Variants in CCDC73 observed in about 807,000 individuals in gnomAD.
The protein encoded by CCDC73 is coiled-coil domain containing 73, also known as coiled-coil domain-containing protein 73.
Under a neutral mutation model 116.5 loss-of-function variants are expected in CCDC73, and 95 were observed. The ratio of observed to expected loss-of-function variants is 0.82; its 90% CI spans 0.69 to 0.97. The LOEUF is 0.97. CCDC73 is among the 50% of genes least tolerant of loss of function. CCDC73 has a pLI of 0.00. For missense variants in CCDC73, 1,066 were observed against 1,206.8 expected (o/e 0.88, Z 1.73); for synonymous variants, 398 against 401.3 (o/e 0.99, Z 0.10).
At chr11:32,780,684 C>T (rs541033056) in intron 1 of CCDC73, among the ~76,000 whole-genome samples, 20 of 152,270 alleles carry the variant, frequency 1.3e-4, no homozygotes, top group South Asian at 4.1e-4. Context: ...TAAATAATAA[C>T]GGCTAATGTT....
In CCDC73 at chr11:32,628,167, C is replaced by A. The variant is rs866629338; in HGVS notation, c.1185+7529G>T. 7.9e-5 allele frequency among the ~76,000 whole-genome samples: 12 copies of A among 152,150 alleles called. No individual in the cohort carries two copies. In the Middle Eastern group the frequency reaches 0.014, roughly 173 times the overall value. On this transcript the variant is annotated intron_variant, in intron 14 of 17. Transcript: ENST00000335185. ...ACAACAGTTTTTAGACAATGAACTA[C>A]AAACAGGGAAAATTGCGTTCTCTGA...
chr11:32,738,298 A>C (rs1850153763), intron 2 of CCDC73, among the ~76,000 whole-genome samples: 1 of 152,154 alleles, frequency 6.6e-6, no homozygotes, highest in Non-Finnish European at 1.5e-5. Context: ...CGTAGGGGTT[A>C]TACTAATTTA....
At chr11:32,773,212 C>T (rs1850505497) in intron 1 of CCDC73, among the ~76,000 whole-genome samples, 1 of 152,036 alleles carries the variant, frequency 6.6e-6, no homozygotes, top group Middle Eastern at 3.2e-3. Context: ...ATGAAATGTC[C>T]AGAATAAGCA....
upstream of CCDC73, among the ~76,000 whole-genome samples, chr11:32,797,845 A>G (rs1256175019): frequency 6.6e-6 from 1 of 152,184 alleles, no homozygotes; most frequent in African/African-American, 2.4e-5. Flanking sequence ...ACATTGGTAA[A>G]ATGGGAGTAA....
chr11:32,818,801 G>A, the CCDC73 span, among the ~76,000 whole-genome samples: 2 of 152,196 alleles, frequency 1.3e-5, no homozygotes, highest in African/African-American at 4.8e-5. Flanking sequence ...AGAGAAACAA[G>A]CCAGTCACAA....
At chr11:32,811,322 C>A in the CCDC73 span, among the ~76,000 whole-genome samples, 1 of 152,258 alleles carries the variant, frequency 6.6e-6, no homozygotes, top group East Asian at 1.9e-4. Context: ...TACTCCTAAT[C>A]AAGACATTGT....
At chr11:32,688,978 G>A (rs1302770535) in intron 6 of CCDC73, among the ~76,000 whole-genome samples, 1 of 152,108 alleles carries the variant, frequency 6.6e-6, no homozygotes, top group Non-Finnish European at 1.5e-5. Context: ...GGCTGTCATG[G>A]CAAAGTCAGG....
chr11:32,669,460 A>AT (rs1856016820), intron 9 of CCDC73, among the ~76,000 whole-genome samples: 1 of 152,184 alleles, frequency 6.6e-6, no homozygotes, highest in South Asian at 2.1e-4. Flanking sequence ...CGTTTGTGTT[A>AT]TAAAAAATCC....
chr11:32,760,244 A>G lies in CCDC73; in HGVS notation c.-1T>C, dbSNP rs1417347220. ...ACTCAGTATTGAAGTTGCTTTCCAT[A>G]TTAATATTTATTTCCTGTAATGTAA... is the stretch of plus-strand genomic sequence containing the variant. On this transcript the variant is annotated 5_prime_UTR_variant, in exon 2 of 18. Transcript: ENST00000335185. 2 of 1,533,644 alleles carry G rather than the reference A, an allele frequency of 1.3e-6. No homozygotes were observed. The highest frequency in any genetic ancestry group is 2.3e-5 in the East Asian group (1 of 44,174).
chr11:32,796,886 T>G (rs1404311576), upstream of CCDC73, among the ~76,000 whole-genome samples: 1 of 151,722 alleles, frequency 6.6e-6, no homozygotes, highest in African/African-American at 2.4e-5. Context: ...GGCAGGTGCC[T>G]GTGTAATCCC....
rs115082653 is a variant in CCDC73, at chr11:32,790,817, A to G, written c.-16+3796T>C. Among the ~76,000 whole-genome samples, 1,068 of 152,264 alleles carry G rather than the reference A, an allele frequency of 7.0e-3. 16 individuals are homozygous for G. The highest frequency in any genetic ancestry group is 0.025 in the African/African-American group (1,031 of 41,562). ...ACTATAACATAAAATAAGCTACTAAATGTACTATAAATTCAACCAATCTAA... is the reference window on the plus strand; with the variant it reads ...ACTATAACATAAAATAAGCTACTAAGTGTACTATAAATTCAACCAATCTAA... On this transcript the variant is annotated intron_variant, in intron 1 of 17. Coordinates refer to ENST00000335185, the MANE Select transcript of CCDC73 (RefSeq NM_001008391.4).
At chr11:32,750,228 T>C (rs1242020178) in intron 2 of CCDC73, among the ~76,000 whole-genome samples, 1 of 152,008 alleles carries the variant, frequency 6.6e-6, no homozygotes, top group Admixed American at 6.5e-5. Flanking sequence ...CTTCCTGGAG[T>C]TGGGGGACAG....
the CCDC73 span, among the ~76,000 whole-genome samples, chr11:32,805,587 G>C: frequency 1.3e-5 from 2 of 152,042 alleles, no homozygotes; most frequent in African/African-American, 4.8e-5. Context: ...AAAACACAAA[G>C]CCAACTTGAG....
chr11:32,829,389 G>C, the CCDC73 span, among the ~76,000 whole-genome samples: 16 of 152,212 alleles, frequency 1.1e-4, no homozygotes, highest in Non-Finnish European at 1.9e-4. Flanking sequence ...AATGGAAATA[G>C]TTTTGCCCTC....
At position 32,656,345 on chromosome 11, in the gene CCDC73, C is replaced by A. The variant is rs1174602585; in HGVS notation, c.646-1373G>T. Among the ~76,000 whole-genome samples the A allele has an allele frequency of 2.0e-5, 3 of 152,148 alleles. No individual in the cohort carries two copies. The East Asian group carries it at 5.8e-4, about 29-fold the overall frequency. ...CCGCCCGCCTCGGCCTCCCAAAGTG[C>A]TGGGATTACAGGCGTGAGCCACCGC... On this transcript the variant is annotated intron_variant, in intron 9 of 17. Transcript: ENST00000335185.
chr11:32,611,101 G>T (rs894774566), intron 17 of CCDC73, 31 bp downstream of exon 17: 4 of 1,610,468 alleles, frequency 2.5e-6, no homozygotes, highest in East Asian at 2.2e-5. Flanking sequence ...GCTCACTAAG[G>T]TCTGCTCGGC....
chr11:32,758,037 A>G (rs1227054925), intron 2 of CCDC73, among the ~76,000 whole-genome samples: 1 of 152,144 alleles, frequency 6.6e-6, no homozygotes, highest in Non-Finnish European at 1.5e-5. Flanking sequence ...AAATTTTCCT[A>G]CTAAAATGTT....
intron 1 of CCDC73, among the ~76,000 whole-genome samples, chr11:32,768,137 C>G (rs1590638602): frequency 6.6e-6 from 1 of 152,194 alleles, no homozygotes; most frequent in Non-Finnish European, 1.5e-5. Context: ...GAATACTATG[C>G]AGCCATAAGA....
chr11:32,718,017 G>A, intron 3 of CCDC73, 59 bp downstream of exon 3: 1 of 1,203,348 alleles, frequency 8.3e-7, no homozygotes, highest in Admixed American at 2.0e-5. Context: ...GGGGGTTACG[G>A]GGATTACAAT....
Sources: allele counts gnomAD v4.1 joint callset (sites outside exome capture counted in the v4.1 genomes callset), GRCh38; gene constraint gnomAD v4.1.1; transcripts MANE v1.5; gene names NCBI Gene and HGNC (gene_info 2026-07-23, HGNC 2026-07-21).